The following UBASH3B variants were observed in gnomAD, a reference collection of about 807,000 sequenced individuals.
The protein encoded by UBASH3B is ubiquitin associated and SH3 domain containing B.
A neutral mutation model predicts 83.4 loss-of-function variants in UBASH3B; 37 were observed. The observed-to-expected ratio is 0.44, with a 90% CI of 0.34 to 0.58. The LOEUF (loss-of-function observed/expected upper bound fraction) is 0.58. Ranked by LOEUF, UBASH3B falls within the 20% of genes least tolerant of loss-of-function variation. UBASH3B has a pLI of 0.01. For missense variants in UBASH3B, 657 were observed against 827.2 expected (o/e 0.79, Z 2.52); for synonymous variants, 304 against 318.3 (o/e 0.96, Z 0.48).
chr11:122,672,387 T>G (rs1344824379), intron 1 of UBASH3B, among the ~76,000 whole-genome samples: 1 of 152,068 alleles, frequency 6.6e-6, no homozygotes, highest in Non-Finnish European at 1.5e-5. Flanking sequence ...TGGTACAATC[T>G]TGGCTCACTG....
intron 1 of UBASH3B, among the ~76,000 whole-genome samples, chr11:122,765,479 A>G (rs1293085318): frequency 6.6e-6 from 1 of 152,148 alleles, no homozygotes; most frequent in Non-Finnish European, 1.5e-5. Flanking sequence ...AGCTCATCCA[A>G]GTGACTTAGA....
intron 1 of UBASH3B, among the ~76,000 whole-genome samples, chr11:122,752,206 A>C (rs1026643560): frequency 2.6e-5 from 4 of 152,006 alleles, no homozygotes; most frequent in African/African-American, 9.7e-5. Context: ...TCAACCATCC[A>C]TCCCCATCCC....
intron 1 of UBASH3B, chr11:122,709,198 C>G (rs1864160911): frequency 6.6e-6 from 1 of 152,270 alleles, no homozygotes; most frequent in Admixed American, 6.5e-5. Context: ...GCCATGATCA[C>G]ACGACTGCAC....
In UBASH3B at chr11:122,725,231, A is replaced by G. The variant is rs867488943; in HGVS notation, c.162-50988A>G. ...GTGATCCATCCACCTCGGCCTCCCA[A>G]AGTGCTGGGATTACAGGTGTGAGCC... On this transcript the variant is annotated intron_variant, in intron 1 of 13. Coordinates refer to ENST00000284273, the MANE Select transcript of UBASH3B (RefSeq NM_032873.5). Among the ~76,000 whole-genome samples, 5 of 151,206 alleles carry G rather than the reference A, an allele frequency of 3.3e-5. No individual in the cohort carries two copies. The South Asian group carries it at 8.4e-4, about 25-fold the overall frequency.
intron 1 of UBASH3B, among the ~76,000 whole-genome samples, chr11:122,753,011 T>G (rs1861223393): frequency 6.6e-6 from 1 of 152,066 alleles, no homozygotes; most frequent in Non-Finnish European, 1.5e-5. Flanking sequence ...TTCCCAATCC[T>G]CTGTTCCTCC....
At chr11:122,704,058 C>T (rs1381479605) in intron 1 of UBASH3B, among the ~76,000 whole-genome samples, 3 of 152,192 alleles carry the variant, frequency 2.0e-5, no homozygotes, top group East Asian at 1.9e-4. Context: ...AGGGTGCCTG[C>T]GGCGGTGGGG....
intron 1 of UBASH3B, among the ~76,000 whole-genome samples, chr11:122,747,658 C>G (rs143434811): frequency 5.0e-4 from 76 of 152,324 alleles, no homozygotes; most frequent in African/African-American, 1.7e-3. Context: ...CGTTTGGAGA[C>G]AGAGTCAAAG....
chr11:122,755,970 A>G (rs1861276103), intron 1 of UBASH3B, among the ~76,000 whole-genome samples: 1 of 152,016 alleles, frequency 6.6e-6, no homozygotes, highest in South Asian at 2.1e-4. Flanking sequence ...CCCCATTACC[A>G]CGGAAGGCAC....
chr11:122,688,653 TTA>T (rs796720189), intron 1 of UBASH3B, among the ~76,000 whole-genome samples: 4 of 124,426 alleles, frequency 3.2e-5, no homozygotes, highest in African/African-American at 1.1e-4. Context: ...TTATTTTATT[TTA>T]TTTTTTTGAG....
intron 5 of UBASH3B, among the ~76,000 whole-genome samples, chr11:122,786,682 T>C (rs1860959341): frequency 6.6e-6 from 1 of 152,106 alleles, no homozygotes; most frequent in Admixed American, 6.5e-5. Context: ...TTCTTACAAG[T>C]AGATGGCAAA....
intron 1 of UBASH3B, among the ~76,000 whole-genome samples, chr11:122,670,157 G>A (rs1031512328): frequency 1.3e-5 from 2 of 151,494 alleles, no homozygotes; most frequent in African/African-American, 4.9e-5. Flanking sequence ...TAGTGTGTGT[G>A]TGTATGTGTT....
At position 122,777,041 on chromosome 11, in the gene UBASH3B, G is replaced by A. The variant is rs1860748181; in HGVS notation, c.233G>A (p.Gly78Asp). 3 of 1,609,636 alleles carry A rather than the reference G, an allele frequency of 1.9e-6. No homozygotes were observed. Among genetic ancestry groups the A allele is most frequent in the Non-Finnish European group, 2.5e-6 (3 of 1,177,898 alleles). Reference sequence around the variant, plus strand: ...TCTTACAGGTTATTCTCCCATGTCGGTGACCCCTTCCTGGATGACCCCCTG... The same window carrying A: ...TCTTACAGGTTATTCTCCCATGTCGATGACCCCTTCCTGGATGACCCCCTG... ...AACDWLFSHV[G>D]DPFLDDPLPR... Residue 78 changes from glycine (G) to aspartate (D), a missense_variant, in exon 3 of 14, where the codon GGT becomes GAT. Gly to Asp is a moderately conservative substitution (Grantham distance 94, BLOSUM62 -1). This residue lies in a region of UBASH3B where 573 missense variants were observed against 739.0 expected (regional missense o/e 0.78). Transcript: ENST00000284273.
intron 1 of UBASH3B, among the ~76,000 whole-genome samples, chr11:122,767,518 G>T (rs1860567851): frequency 6.6e-6 from 1 of 152,016 alleles, no homozygotes; most frequent in Admixed American, 6.5e-5. Flanking sequence ...TCACCATGTT[G>T]GCCAGGATGG....
chr11:122,782,042 A>G (rs1039000363), intron 4 of UBASH3B, among the ~76,000 whole-genome samples: 3 of 152,152 alleles, frequency 2.0e-5, no homozygotes, highest in Admixed American at 1.3e-4. Flanking sequence ...CAACTTCTTC[A>G]TTATTCTAGT....
chr11:122,760,527 AT>A (rs565198682), intron 1 of UBASH3B, among the ~76,000 whole-genome samples: 127 of 151,938 alleles, frequency 8.4e-4, no homozygotes, highest in African/African-American at 3.0e-3. Context: ...CACCTGGCTA[AT>A]TTTTTTGTAT....
chr11:122,736,870 T>C (rs1008090292), intron 1 of UBASH3B, among the ~76,000 whole-genome samples: 31 of 151,722 alleles, frequency 2.0e-4, no homozygotes, highest in African/African-American at 7.5e-4. Flanking sequence ...GGCAACATAG[T>C]GAGACCCTCT....
At chr11:122,661,754 G>A (rs1371554528) in intron 1 of UBASH3B, among the ~76,000 whole-genome samples, 4 of 151,570 alleles carry the variant, frequency 2.6e-5, no homozygotes, top group Admixed American at 6.6e-5. Context: ...AGTTCAGGAC[G>A]TGTCTAGAGT....
chr11:122,752,835 A>C (rs769657959), intron 1 of UBASH3B, among the ~76,000 whole-genome samples: 55 of 152,108 alleles, frequency 3.6e-4, no homozygotes, highest in Non-Finnish European at 7.5e-4. Context: ...TAGTCTCCAG[A>C]GTGTGTTCCG....
At position 122,692,027 on chromosome 11, in the gene UBASH3B, G is replaced by A. The variant is rs1311283440; in HGVS notation, c.161+35817G>A. Among the ~76,000 whole-genome samples the A allele has an allele frequency of 2.0e-5, 3 of 152,228 alleles. No homozygotes were observed. The East Asian group carries it at 5.8e-4, about 29-fold the overall frequency. On this transcript the variant is annotated intron_variant, in intron 1 of 13. Coordinates refer to ENST00000284273, the MANE Select transcript of UBASH3B (RefSeq NM_032873.5). ...AGTTAAGAACACTGGAGCTTTTCAGGCCTCGTTCCATGTGCTGGCTCTGCC... is the reference window on the plus strand; with the variant it reads ...AGTTAAGAACACTGGAGCTTTTCAGACCTCGTTCCATGTGCTGGCTCTGCC...
Sources: gnomAD v4.1 joint callset for allele counts (sites outside exome capture counted in the v4.1 genomes callset) on GRCh38, gnomAD v4.1.1 for gene constraint, gnomAD v4.1.1 regional missense constraint, MANE v1.5 for transcripts, NCBI Gene and HGNC (gene_info 2026-07-23, HGNC 2026-07-21) for gene names.